The following GNA14 variants were observed in gnomAD, a reference collection of about 807,000 sequenced individuals.
GNA14 encodes guanine nucleotide-binding protein subunit alpha-14.
Under a neutral mutation model 42.0 loss-of-function variants are expected in GNA14, and 50 were observed. The observed-to-expected ratio is 1.19, with a 90% confidence interval of 0.95 to 1.51. The LOEUF is 1.51. Among genes scored for constraint, GNA14 ranks in the 40% most tolerant of loss-of-function variants. The pLI, the probability that GNA14 is intolerant of heterozygous loss-of-function variation, is 0.00. For missense variants in GNA14, 473 were observed against 446.2 expected (o/e 1.06, Z -0.54); for synonymous variants, 173 against 163.1 (o/e 1.06, Z -0.46).
At chr9:77,479,688 A>G (rs1836505728) in intron 2 of GNA14, among the ~76,000 whole-genome samples, 1 of 152,112 alleles carries the variant, frequency 6.6e-6, no homozygotes, top group Admixed American at 6.5e-5. Flanking sequence ...ATGAACATGG[A>G]ATGTTCTTCC....
At chr9:77,467,791 C>T (rs1836262767) in intron 2 of GNA14, among the ~76,000 whole-genome samples, 1 of 151,782 alleles carries the variant, frequency 6.6e-6, no homozygotes, top group Non-Finnish European at 1.5e-5. Context: ...CCCACTTCTG[C>T]AGTGAAACTT....
intron 2 of GNA14, among the ~76,000 whole-genome samples, chr9:77,509,752 C>T (rs1049706122): frequency 1.3e-5 from 2 of 152,000 alleles, no homozygotes; most frequent in African/African-American, 4.8e-5. Flanking sequence ...AGAAAGTAAT[C>T]GCGGTTTTTG....
At chr9:77,515,971 A>AAAAAAAAAAAAC (rs1837250558) in intron 2 of GNA14, among the ~76,000 whole-genome samples, 7 of 147,316 alleles carry the variant, frequency 4.8e-5, no homozygotes, top group African/African-American at 1.0e-4. Flanking sequence ...AAAAAAAAAA[A>AAAAAAAAAAAAC]AAAAAAAAAA....
At chr9:77,441,562 C>A (rs1835735932) in intron 2 of GNA14, among the ~76,000 whole-genome samples, 2 of 152,118 alleles carry the variant, frequency 1.3e-5, no homozygotes, top group Middle Eastern at 3.2e-3. Flanking sequence ...CTGTGATGTG[C>A]AAGCTTTGTA....
chr9:77,466,639 T>G (rs1836232496), intron 2 of GNA14, among the ~76,000 whole-genome samples: 1 of 152,124 alleles, frequency 6.6e-6, no homozygotes, highest in Non-Finnish European at 1.5e-5. Context: ...TTTGTTTGTT[T>G]CCCTTTCCTG....
chr9:77,529,320 G>A (rs1837493713), intron 1 of GNA14, 67 bp from the exon 2 acceptor site: 1 of 1,227,242 alleles, frequency 8.1e-7, no homozygotes, highest in African/African-American at 1.5e-5. Flanking sequence ...AGAAACAGAG[G>A]ACCTCCTGGC....
chr9:77,561,940 T>A (rs527722437), intron 1 of GNA14, among the ~76,000 whole-genome samples: 2 of 152,352 alleles, frequency 1.3e-5, no homozygotes, highest in South Asian at 4.1e-4. Context: ...AGGAAATCTC[T>A]CCTCTTTTGC....
In GNA14 at chr9:77,504,548, AAGAG is replaced by A. The variant is rs10559406; in HGVS notation, c.309+24517_309+24520del. ...ATCTCCCTTTCTTTAAAAAAAAAAA[AAGAG>A]AGAGAGAGAGAGAGAGAGAAACAAG... On this transcript the variant is annotated intron_variant, in intron 2 of 6. Coordinates refer to ENST00000341700, the MANE Select transcript of GNA14 (RefSeq NM_004297.4). Among the ~76,000 whole-genome samples, 135 of 145,076 alleles carry A rather than the reference AAGAG, an allele frequency of 9.3e-4. 1 individual carries two copies. The highest frequency in any genetic ancestry group is 2.0e-3 in the Admixed American group (29 of 14,622).
chr9:77,467,733 G>T (rs1288779053), intron 2 of GNA14, among the ~76,000 whole-genome samples: 8 of 148,686 alleles, frequency 5.4e-5, no homozygotes, highest in African/African-American at 1.7e-4. Flanking sequence ...TCTCCCTTTA[G>T]ATAGAACACC....
chr9:77,540,920 A>T lies in GNA14; in HGVS notation c.125-11667T>A, dbSNP rs79863718. 7.0e-3 allele frequency among the ~76,000 whole-genome samples: 1,071 copies of T among 152,192 alleles called. 13 individuals are homozygous for T. The highest frequency in any genetic ancestry group is 0.024 in the African/African-American group (1,016 of 41,544). On this transcript the variant is annotated intron_variant, in intron 1 of 6. Coordinates refer to ENST00000341700, the MANE Select transcript of GNA14 (RefSeq NM_004297.4). ...TCCTTTATTCATTCATCCAATCTAC[A>T]TCTTTTAAGTGGATGATTTAATCCG...
At chr9:77,510,520 G>C (rs1837146370) in intron 2 of GNA14, among the ~76,000 whole-genome samples, 1 of 152,120 alleles carries the variant, frequency 6.6e-6, no homozygotes, top group Admixed American at 6.5e-5. Context: ...TTTTTTAGTA[G>C]AGATGAGTTG....
intron 1 of GNA14, among the ~76,000 whole-genome samples, chr9:77,559,400 G>A (rs1822844096): frequency 6.6e-6 from 1 of 152,162 alleles, no homozygotes; most frequent in South Asian, 2.1e-4. Flanking sequence ...TGGGGGAGCT[G>A]AAGACAAAGG....
At chr9:77,534,958 G>A (rs959124552) in intron 1 of GNA14, among the ~76,000 whole-genome samples, 1 of 152,244 alleles carries the variant, frequency 6.6e-6, no homozygotes, top group Non-Finnish European at 1.5e-5. Flanking sequence ...CCAGTGAGCA[G>A]GCGCTCTGAT....
rs78197265 is a variant in GNA14 at position 77,585,500 on chromosome 9, C to T, written c.125-56247G>A. Among the ~76,000 whole-genome samples, 27 of 152,306 alleles carry T rather than the reference C, an allele frequency of 1.8e-4. No individual in the cohort carries two copies. In the East Asian group the frequency reaches 4.8e-3, roughly 27 times the overall value. On this transcript the variant is annotated intron_variant, in intron 1 of 6. Coordinates refer to ENST00000341700, the MANE Select transcript of GNA14 (RefSeq NM_004297.4). ...ACAAACCTTACCTTTCTTTACCATG[C>T]TTTTCCTGGGTAGCTCCCCATAACT...
chr9:77,461,424 A>T (rs61472444), intron 2 of GNA14, among the ~76,000 whole-genome samples: 1,654 of 152,350 alleles, frequency 0.011, 42 homozygotes, highest in African/African-American at 0.037. Context: ...CCTCTAGAAC[A>T]AAATTATTAT....
intron 2 of GNA14, among the ~76,000 whole-genome samples, chr9:77,456,054 A>C (rs537745365): frequency 3.9e-5 from 6 of 152,192 alleles, no homozygotes; most frequent in Non-Finnish European, 8.8e-5. Context: ...ATAATAGCTA[A>C]TCTAAACTGA....
At chr9:77,590,709 T>TA (rs753393966) in intron 1 of GNA14, among the ~76,000 whole-genome samples, 3,491 of 144,056 alleles carry the variant, frequency 0.024, 130 homozygotes, top group African/African-American at 0.077. Flanking sequence ...GGTCACACAT[T>TA]AAAAAAAAAA....
At chr9:77,482,040 C>T (rs1301962839) in intron 2 of GNA14, among the ~76,000 whole-genome samples, 3 of 152,054 alleles carry the variant, frequency 2.0e-5, no homozygotes, top group African/African-American at 2.4e-5. Flanking sequence ...GAGCATTTAG[C>T]CCATTTACAT....
chr9:77,608,834 C>A (rs1823683717), intron 1 of GNA14, among the ~76,000 whole-genome samples: 1 of 150,968 alleles, frequency 6.6e-6, no homozygotes, highest in Non-Finnish European at 1.5e-5. Flanking sequence ...TCAGTCACTC[C>A]TGTTTATTTC....
Sources: allele counts gnomAD v4.1 joint callset (sites outside exome capture counted in the v4.1 genomes callset), GRCh38; gene constraint gnomAD v4.1.1; transcripts MANE v1.5; gene names NCBI Gene and HGNC (gene_info 2026-07-23, HGNC 2026-07-21).